Variants in PRRX1 observed in about 807,000 individuals in gnomAD.
PRRX1 encodes the protein paired related homeobox 1, also known as paired mesoderm homeobox protein 1.
PRRX1 carries 8 observed loss-of-function variants against 24.0 expected under a neutral mutation model. The ratio of observed to expected loss-of-function variants is 0.33; its 90% confidence interval spans 0.20 to 0.60. PRRX1 has a LOEUF of 0.60. Ranked by LOEUF, PRRX1 falls within the 20% of genes least tolerant of loss-of-function variation. The pLI is 0.82. For missense variants in PRRX1, 281 were observed against 322.4 expected (o/e 0.87, Z 0.98); for synonymous variants, 160 against 131.7 (o/e 1.22, Z -1.47).
chr1:170,727,692 C>G (rs556783980), intron 3 of PRRX1: 3 of 152,174 alleles, frequency 2.0e-5, no homozygotes, highest in South Asian at 4.2e-4. Context: ...GTTTTAATCC[C>G]CTGTTATAAA....
At chr1:170,699,564 T>C (rs1654288961) in intron 1 of PRRX1, among the ~76,000 whole-genome samples, 1 of 151,946 alleles carries the variant, frequency 6.6e-6, no homozygotes. Context: ...ACCACAAGAC[T>C]GAAGGGAAAA....
At chr1:170,698,631 A>C (rs567640228) in intron 1 of PRRX1, among the ~76,000 whole-genome samples, 28 of 152,156 alleles carry the variant, frequency 1.8e-4, no homozygotes, top group Non-Finnish European at 3.5e-4. Context: ...CAGCTTTCAG[A>C]TATCTATCTA....
intron 1 of PRRX1, among the ~76,000 whole-genome samples, chr1:170,699,405 G>T (rs1654278625): frequency 6.6e-6 from 1 of 151,684 alleles, no homozygotes; most frequent in African/African-American, 2.4e-5. Context: ...TTTTAAATGG[G>T]TCTCATTTCT....
intron 1 of PRRX1, among the ~76,000 whole-genome samples, chr1:170,693,677 AG>A (rs1420565336): frequency 6.6e-6 from 1 of 152,180 alleles, no homozygotes; most frequent in Non-Finnish European, 1.5e-5. Flanking sequence ...TAGTGTGGAT[AG>A]TATGATGGAA....
chr1:170,727,960 G>A (rs1326998211), intron 3 of PRRX1: 1 of 152,096 alleles, frequency 6.6e-6, no homozygotes, highest in African/African-American at 2.4e-5. Flanking sequence ...TATAAACATT[G>A]GTATAAGAGA....
intron 1 of PRRX1, among the ~76,000 whole-genome samples, chr1:170,713,480 A>G (rs1379927399): frequency 6.6e-6 from 1 of 152,220 alleles, no homozygotes; most frequent in Non-Finnish European, 1.5e-5. Flanking sequence ...TATTTGTTCT[A>G]TAGAGGTGAA....
At chr1:170,682,924 C>T (rs532608130) in intron 1 of PRRX1, among the ~76,000 whole-genome samples, 7 of 152,324 alleles carry the variant, frequency 4.6e-5, no homozygotes, top group South Asian at 2.1e-4. Context: ...AAGTGAACAG[C>T]AAGTGCAAAG....
chr1:170,663,646 T>C (rs1652802514), upstream of PRRX1: 1 of 152,384 alleles, frequency 6.6e-6, no homozygotes. Flanking sequence ...TTCTTGAAGA[T>C]GTTTTAAAGC....
At chr1:170,689,201 T>A (rs892453989) in intron 1 of PRRX1, among the ~76,000 whole-genome samples, 1 of 152,140 alleles carries the variant, frequency 6.6e-6, no homozygotes, top group Admixed American at 6.6e-5. Flanking sequence ...AAAATGTATG[T>A]TTACTCTCTA....
Position 170,666,686 on chromosome 1 carries a change from C to T in PRRX1, c.241+2227C>T, listed in dbSNP as rs556722436. 5.9e-5 allele frequency among the ~76,000 whole-genome samples: 9 copies of T among 152,216 alleles called. 1 individual carries two copies. In the South Asian group the frequency reaches 1.9e-3, roughly 32 times the overall value. ...GAGGATGAGAAAACCAGGGCCAAGGCCAGCGGCCTCGGCCAGCCTAGGGAA... is the reference window on the plus strand; with the variant it reads ...GAGGATGAGAAAACCAGGGCCAAGGTCAGCGGCCTCGGCCAGCCTAGGGAA... On this transcript the variant is annotated intron_variant, in intron 1 of 3. Coordinates refer to ENST00000239461, the MANE Select transcript of PRRX1 (RefSeq NM_022716.4).
At chr1:170,732,264 G>T (rs1447263056) in intron 3 of PRRX1, among the ~76,000 whole-genome samples, 2 of 152,134 alleles carry the variant, frequency 1.3e-5, no homozygotes, top group Admixed American at 6.5e-5. Context: ...AACATTTCAG[G>T]GTTCTCTTTC....
intron 1 of PRRX1, among the ~76,000 whole-genome samples, chr1:170,709,341 G>A (rs1283102573): frequency 1.3e-5 from 2 of 152,124 alleles, no homozygotes; most frequent in African/African-American, 2.4e-5. Flanking sequence ...GAAAGACAAG[G>A]TCAGAGAAAA....
chr1:170,735,976 C>T (rs900670291), intron 3 of PRRX1, 72 bp from the exon 4 acceptor site: 5 of 1,590,950 alleles, frequency 3.1e-6, no homozygotes, highest in Non-Finnish European at 4.3e-6. Context: ...GTACATCCAT[C>T]TGGGGCACAG....
chr1:170,734,185 T>A (rs1033348318), intron 3 of PRRX1, among the ~76,000 whole-genome samples: 10 of 151,868 alleles, frequency 6.6e-5, no homozygotes, highest in African/African-American at 2.4e-4. Context: ...AAATTGGCAG[T>A]AAGGACCAGT....
chr1:170,695,748 T>A (rs1654145368), intron 1 of PRRX1, among the ~76,000 whole-genome samples: 1 of 152,188 alleles, frequency 6.6e-6, no homozygotes, highest in African/African-American at 2.4e-5. Context: ...ACACTTTTCT[T>A]TGTGTGATCA....
At chr1:170,666,539 C>A (rs1652940251) in intron 1 of PRRX1, among the ~76,000 whole-genome samples, 1 of 148,790 alleles carries the variant, frequency 6.7e-6, no homozygotes, top group South Asian at 2.4e-4. Context: ...GCAACATTTA[C>A]CACTGTTCGG....
rs1280356213 is a variant in PRRX1, at chr1:170,735,215, AGTGGTGT to A, written c.600-832_600-826del. 2.0e-5 allele frequency among the ~76,000 whole-genome samples: 3 copies of A among 152,204 alleles called. No homozygotes were observed. In the East Asian group the frequency reaches 5.8e-4, roughly 29 times the overall value. ...ACCCACCAATGATAAATTTCTGCCT[AGTGGTGT>A]TCTTAGGTCCTAATTGTAATCTATG... On this transcript the variant is annotated intron_variant, in intron 3 of 3. Transcript: ENST00000239461.
At chr1:170,721,737 T>C (rs1655091595) in intron 2 of PRRX1, among the ~76,000 whole-genome samples, 1 of 152,176 alleles carries the variant, frequency 6.6e-6, no homozygotes, top group Admixed American at 6.5e-5. Context: ...CAGTGCAGAT[T>C]ATGCAATTTG....
At chr1:170,680,445 C>A (rs936147329) in intron 1 of PRRX1, among the ~76,000 whole-genome samples, 1 of 152,158 alleles carries the variant, frequency 6.6e-6, no homozygotes, top group Non-Finnish European at 1.5e-5. Context: ...TCTCTAAGCC[C>A]ATCTGGGATC....
Sources: allele counts gnomAD v4.1 joint callset (sites outside exome capture counted in the v4.1 genomes callset), GRCh38; gene constraint gnomAD v4.1.1; transcripts MANE v1.5; gene names NCBI Gene and HGNC (gene_info 2026-07-23, HGNC 2026-07-21).